PRKCA: variants seen among roughly 807,000 people sequenced by gnomAD.
PRKCA encodes the protein protein kinase C alpha, also known as protein kinase C alpha type.
A neutral mutation model predicts 87.0 loss-of-function variants in PRKCA; 27 were observed. The ratio of observed to expected loss-of-function variants is 0.31; its 90% CI spans 0.23 to 0.43. PRKCA has a LOEUF of 0.43. Among genes scored for constraint, PRKCA ranks in the 20% least tolerant of loss-of-function variants. The pLI, the probability that PRKCA is intolerant of heterozygous loss-of-function variation, is 1.00. For missense variants in PRKCA, 518 were observed against 852.3 expected, an observed-to-expected ratio of 0.61 and a Z score of 4.88; for synonymous variants, 329 against 311.1, an observed-to-expected ratio of 1.06 and a Z score of -0.61.
intron 3 of PRKCA, among the ~76,000 whole-genome samples, chr17:66,587,148 A>C (rs1032752126): frequency 6.6e-6 from 1 of 152,168 alleles, no homozygotes; most frequent in African/African-American, 2.4e-5. Flanking sequence ...GGTATCACTA[A>C]GGTCTGATCT....
Position 66,438,063 on chromosome 17 carries a change from G to A in PRKCA, c.206-58138G>A, listed in dbSNP as rs974942592. On this transcript the variant is annotated intron_variant, in intron 2 of 16. Transcript: ENST00000413366. ...AGAGAAACTCCCAAACCCTCAAAGA[G>A]GATGGGGAACAATGTCCTGAAAGAA... 3.3e-5 allele frequency among the ~76,000 whole-genome samples: 5 copies of A among 152,086 alleles called. No individual in the cohort carries two copies. In the South Asian group the frequency reaches 1.0e-3, roughly 32 times the overall value.
intron 2 of PRKCA, chr17:66,415,689 C>T (rs548678609): frequency 2.6e-5 from 4 of 152,254 alleles, no homozygotes; most frequent in African/African-American, 9.6e-5. Context: ...GCTTTCTAGC[C>T]CTTTCCAGCT....
intron 3 of PRKCA, among the ~76,000 whole-genome samples, chr17:66,611,306 A>G (rs1168713067): frequency 2.0e-5 from 3 of 152,138 alleles, no homozygotes; most frequent in African/African-American, 7.2e-5. Context: ...TATATTCATC[A>G]CCCCTAAAAG....
At chr17:66,558,837 G>A (rs983015373) in intron 3 of PRKCA, among the ~76,000 whole-genome samples, 1 of 152,164 alleles carries the variant, frequency 6.6e-6, no homozygotes. Flanking sequence ...CTGCATGGAG[G>A]TTCGGCCATG....
At chr17:66,690,961 TG>T (rs1237528472) in intron 8 of PRKCA, among the ~76,000 whole-genome samples, 1 of 151,322 alleles carries the variant, frequency 6.6e-6, no homozygotes, top group Non-Finnish European at 1.5e-5. Context: ...CTGGGCAACA[TG>T]GCGAAACCCA....
intron 2 of PRKCA, among the ~76,000 whole-genome samples, chr17:66,464,290 G>A (rs953147089): frequency 1.3e-5 from 2 of 152,174 alleles, no homozygotes; most frequent in Admixed American, 6.5e-5. Context: ...AAGGGCGTCT[G>A]GGTTGCTTTC....
intron 2 of PRKCA, among the ~76,000 whole-genome samples, chr17:66,445,305 G>A (rs1028027250): frequency 9.9e-5 from 15 of 152,224 alleles, no homozygotes; most frequent in Admixed American, 6.5e-5. Flanking sequence ...TGAAAACTGA[G>A]CTCTGTCCCA....
chr17:66,366,473 C>T (rs139640242), intron 2 of PRKCA, among the ~76,000 whole-genome samples: 2 of 152,202 alleles, frequency 1.3e-5, no homozygotes, highest in African/African-American at 2.4e-5. Context: ...AGTTAGAAGG[C>T]GATTGGGCAG....
intron 3 of PRKCA, among the ~76,000 whole-genome samples, chr17:66,615,721 T>C (rs1333420775): frequency 1.3e-5 from 2 of 152,152 alleles, no homozygotes; most frequent in Non-Finnish European, 2.9e-5. Flanking sequence ...AGCACATCCC[T>C]GTGCAGTGAA....
In PRKCA at chr17:66,316,288, A is replaced by G. The variant is rs144905872; in HGVS notation, c.205+10161A>G. Among the ~76,000 whole-genome samples, 631 of 152,294 alleles carry G rather than the reference A, an allele frequency of 4.1e-3. 5 individuals carry two copies. Among genetic ancestry groups the G allele is most frequent in the African/African-American group, 0.014 (575 of 41,558 alleles). The stretch of plus-strand genomic sequence containing the variant: ...CACATACTGATTCTTTATTAAATAC[A>G]TGGTTTCCTCTTGTAACTTTTTGTT... On this transcript the variant is annotated intron_variant, in intron 2 of 16. Coordinates refer to ENST00000413366, the MANE Select transcript of PRKCA (RefSeq NM_002737.3).
At chr17:66,513,455 C>A (rs757899914) in intron 3 of PRKCA, among the ~76,000 whole-genome samples, 2 of 152,166 alleles carry the variant, frequency 1.3e-5, no homozygotes, top group Non-Finnish European at 2.9e-5. Context: ...TGCATACAGT[C>A]AATCTTATTT....
At chr17:66,781,864 G>GATATAT (rs1474229305) in intron 14 of PRKCA, among the ~76,000 whole-genome samples, 2 of 117,328 alleles carry the variant, frequency 1.7e-5, no homozygotes, top group South Asian at 2.5e-4. Flanking sequence ...GAGAGAGAGA[G>GATATAT]AGAGATATAT....
In PRKCA at chr17:66,471,464, C is replaced by T. The variant is rs936303465; in HGVS notation, c.206-24737C>T. On this transcript the variant is annotated intron_variant, in intron 2 of 16. Transcript: ENST00000413366. ...CAGAATAGGTAACCACTGAAGGTAT[C>T]CTGAGTGGAATTGAGTTGCAACAGT... 6.2e-4 allele frequency among the ~76,000 whole-genome samples: 95 copies of T among 152,096 alleles called. 3 individuals carry two copies.
chr17:66,328,357 A>C (rs1177122405), intron 2 of PRKCA, among the ~76,000 whole-genome samples: 2 of 150,622 alleles, frequency 1.3e-5, no homozygotes, highest in East Asian at 4.1e-4. Flanking sequence ...TACAGGCATG[A>C]GCCACCATAC....
chr17:66,438,598 T>A (rs763883446), intron 2 of PRKCA, among the ~76,000 whole-genome samples: 65 of 152,230 alleles, frequency 4.3e-4, no homozygotes, highest in Admixed American at 5.2e-4. Context: ...TGTATTAGTC[T>A]GTTCTCATAT....
intron 8 of PRKCA, among the ~76,000 whole-genome samples, chr17:66,719,859 G>A (rs1019359970): frequency 1.3e-5 from 2 of 152,168 alleles, no homozygotes; most frequent in Non-Finnish European, 1.5e-5. Flanking sequence ...AAATGAGCAG[G>A]TATACTTTTA....
intron 2 of PRKCA, among the ~76,000 whole-genome samples, chr17:66,334,019 G>C (rs1181780257): frequency 2.0e-5 from 3 of 152,192 alleles, no homozygotes; most frequent in Admixed American, 6.5e-5. Flanking sequence ...GGGAGGCCGA[G>C]GTGGGTGGAT....
At chr17:66,627,834 G>C (rs1970900211) in intron 3 of PRKCA, among the ~76,000 whole-genome samples, 2 of 152,138 alleles carry the variant, frequency 1.3e-5, no homozygotes, top group Non-Finnish European at 2.9e-5. Context: ...AACCTTCATA[G>C]TTTCCCAATT....
intron 8 of PRKCA, among the ~76,000 whole-genome samples, chr17:66,715,063 A>C (rs771384063): frequency 1.3e-5 from 2 of 151,988 alleles, no homozygotes; most frequent in Non-Finnish European, 2.9e-5. Flanking sequence ...CATTTTATAA[A>C]AATTTTCCGT....
Sources: allele counts gnomAD v4.1 joint callset (sites outside exome capture counted in the v4.1 genomes callset), GRCh38; gene constraint gnomAD v4.1.1; transcripts MANE v1.5; gene names NCBI Gene and HGNC (gene_info 2026-07-23, HGNC 2026-07-21).